Variants in PPP1R14C observed in about 807,000 individuals in gnomAD.
PPP1R14C encodes the protein protein phosphatase 1 regulatory subunit 14C.
In PPP1R14C, 16 loss-of-function variants were observed where a neutral mutation model predicts 20.4. The ratio of observed to expected loss-of-function variants is 0.78; its 90% CI spans 0.53 to 1.19. The LOEUF (loss-of-function observed/expected upper bound fraction) is 1.19, where lower values mean the gene tolerates loss of function less well. Among genes scored for constraint, PPP1R14C ranks in the 50% most tolerant of loss-of-function variants. The pLI, the probability that PPP1R14C is intolerant of heterozygous loss-of-function variation, is 0.00. For missense variants in PPP1R14C, 211 were observed against 220.1 expected (o/e 0.96, Z 0.26); for synonymous variants, 91 against 91.0 (o/e 1.00, Z 0.00).
In PPP1R14C at chr6:150,210,924, C is replaced by T. The variant is rs184357186; in HGVS notation, c.307-3820C>T. On this transcript the variant is annotated intron_variant, in intron 1 of 3. Transcript: ENST00000361131. ...CGACGTGCATATTTGCAGCCCAGAG[C>T]TGACTGGCTTCCTGGCCAAGGACCT... Among the ~76,000 whole-genome samples, 223 of 152,280 alleles carry T rather than the reference C, an allele frequency of 1.5e-3. 5 individuals carry two copies. The highest frequency in any genetic ancestry group is 0.014 in the Admixed American group (220 of 15,296).
intron 1 of PPP1R14C, among the ~76,000 whole-genome samples, chr6:150,183,124 G>A (rs1422838891): frequency 6.6e-6 from 1 of 151,262 alleles, no homozygotes; most frequent in East Asian, 1.9e-4. Flanking sequence ...ATATTCTGTT[G>A]TTTTTTTAAT....
At chr6:150,179,884 A>T (rs149126738) in intron 1 of PPP1R14C, among the ~76,000 whole-genome samples, 30 of 152,218 alleles carry the variant, frequency 2.0e-4, no homozygotes, top group African/African-American at 7.2e-4. Context: ...GGGGAAACAG[A>T]TAACAAAAGG....
intron 3 of PPP1R14C, among the ~76,000 whole-genome samples, chr6:150,219,495 C>T (rs1037554087): frequency 2.6e-5 from 4 of 151,964 alleles, no homozygotes; most frequent in Non-Finnish European, 4.4e-5. Context: ...GGATTACAGG[C>T]GTGAGTCACT....
At chr6:150,199,681 G>A (rs775789986) in intron 1 of PPP1R14C, among the ~76,000 whole-genome samples, 11 of 152,130 alleles carry the variant, frequency 7.2e-5, no homozygotes, top group Non-Finnish European at 1.5e-4. Flanking sequence ...ACCAATCTGG[G>A]CAATATAGTG....
chr6:150,171,352 A>G (rs962748575), intron 1 of PPP1R14C, among the ~76,000 whole-genome samples: 3 of 152,196 alleles, frequency 2.0e-5, no homozygotes, highest in Non-Finnish European at 4.4e-5. Flanking sequence ...CTAATATCTT[A>G]TAGTTGAGGG....
At chr6:150,178,346 C>T (rs1166077609) in intron 1 of PPP1R14C, among the ~76,000 whole-genome samples, 1 of 152,208 alleles carries the variant, frequency 6.6e-6, no homozygotes, top group African/African-American at 2.4e-5. Flanking sequence ...GTCACAGAGG[C>T]CCCTGGGGAC....
rs775656527 is a variant in PPP1R14C, at chr6:150,143,472, C to T, written c.280C>T (p.Gln94Ter). The change falls in exon 1 of 4, where the codon CAG (glutamine) becomes TAG (stop). Residue 94 changes from glutamine (Q) to a stop codon, truncating the protein, a stop_gained. Coordinates refer to ENST00000361131, the MANE Select transcript of PPP1R14C (RefSeq NM_030949.3). LOFTEE classifies it high-confidence loss of function. The surrounding 1 kb of genome is among the most constrained non-coding windows in gnomAD (Gnocchi z 5.6). ...GGTGCTGGAGGAATGGATCGTGGAG[C>T]AGCTGGGTCAGCTCTACGGCTGCGA... ...RLVLEEWIVEQLGQLYGCEEE... is the reference protein window; with the variant it reads ...RLVLEEWIVE 1.9e-6 allele frequency: 3 copies of T among 1,602,616 alleles called. No homozygotes were observed. The highest frequency in any genetic ancestry group is 2.6e-6 in the Non-Finnish European group (3 of 1,175,046).
At chr6:150,234,108 G>T (rs961749360) in intron 3 of PPP1R14C, among the ~76,000 whole-genome samples, 4 of 152,268 alleles carry the variant, frequency 2.6e-5, no homozygotes, top group Non-Finnish European at 5.9e-5. Flanking sequence ...AAACAATGTG[G>T]AACAAACCAA....
At chr6:150,220,182 A>G (rs1381261083) in intron 3 of PPP1R14C, among the ~76,000 whole-genome samples, 1 of 152,196 alleles carries the variant, frequency 6.6e-6, no homozygotes, top group Non-Finnish European at 1.5e-5. Flanking sequence ...GCTGGGTCTC[A>G]CTATGGAGTG....
chr6:150,195,041 C>G lies in PPP1R14C; in HGVS notation c.307-19703C>G, dbSNP rs914502109. 3 of 984,592 alleles carry G rather than the reference C, an allele frequency of 3.0e-6. No homozygotes were observed. In the African/African-American group the frequency reaches 5.2e-5, roughly 17 times the overall value. The allele number at this position is 984,592 out of a possible 1,614,324, so 61.0% of individuals were successfully genotyped here. A position where few individuals can be genotyped will look rare whatever the true frequency, so the allele number is the denominator to read the frequency against. On this transcript the variant is annotated intron_variant, in intron 1 of 3. Transcript: ENST00000361131. ...TACCTAGAGCAGTTACTAGTTATAG[C>G]CTTTTGAATATAACCTGTATGACCA...
chr6:150,202,695 G>A (rs1777893421), intron 1 of PPP1R14C, among the ~76,000 whole-genome samples: 1 of 152,176 alleles, frequency 6.6e-6, no homozygotes, highest in African/African-American at 2.4e-5. Context: ...GCCTCAGTTG[G>A]CTGAAGGTCA....
At chr6:150,152,585 C>G (rs1208685590) in intron 1 of PPP1R14C, among the ~76,000 whole-genome samples, 3 of 152,066 alleles carry the variant, frequency 2.0e-5, no homozygotes, top group Admixed American at 2.0e-4. Flanking sequence ...ACCTCCACCC[C>G]CTCCCCTGCC....
chr6:150,229,038 G>A (rs1490427101), intron 3 of PPP1R14C, among the ~76,000 whole-genome samples: 1 of 152,036 alleles, frequency 6.6e-6, no homozygotes, highest in East Asian at 1.9e-4. Context: ...TCATTAAACT[G>A]AGAATGGCCA....
rs1374609765 is a variant in PPP1R14C at position 150,143,488 on chromosome 6, A to G, written c.296A>G (p.Tyr99Cys). The change falls in exon 1 of 4, where the codon TAC becomes TGC. Residue 99 changes from tyrosine to cysteine, a missense_variant. Tyr to Cys is a radical substitution (Grantham distance 194, BLOSUM62 -2). Transcript: ENST00000361131. This position sits in a 1 kb window ranked among gnomAD's most constrained non-coding sequence, Gnocchi z 5.6. ...ATCGTGGAGCAGCTGGGTCAGCTCT[A>G]CGGCTGCGAGGTACCTGGGCGCGGG... ...EWIVEQLGQL[Y>C]GCEEEEMPEV... The G allele has an allele frequency of 2.7e-6, 4 of 1,491,854 alleles. No individual in the cohort carries two copies. Among genetic ancestry groups the G allele is most frequent in the Middle Eastern group, 1.8e-4 (1 of 5,608 alleles). The allele number at this position is 1,491,854 out of a possible 1,614,324, so 92.4% of individuals were successfully genotyped here.
chr6:150,202,973 A>G (rs1419470094), intron 1 of PPP1R14C, among the ~76,000 whole-genome samples: 6 of 152,176 alleles, frequency 3.9e-5, no homozygotes, highest in Non-Finnish European at 8.8e-5. Flanking sequence ...CCTTTTTCTT[A>G]ACATCTTGCA....
At chr6:150,182,311 AC>A (rs1416199667) in intron 1 of PPP1R14C, among the ~76,000 whole-genome samples, 2 of 152,206 alleles carry the variant, frequency 1.3e-5, no homozygotes, top group Admixed American at 1.3e-4. Context: ...ATAACAAAAT[AC>A]CATAGCCTGG....
chr6:150,228,681 C>T (rs1030033578), intron 3 of PPP1R14C, among the ~76,000 whole-genome samples: 12 of 152,068 alleles, frequency 7.9e-5, no homozygotes, highest in African/African-American at 1.7e-4. Context: ...ATCTTGGCAC[C>T]GTACCCCAAG....
At chr6:150,158,822 C>T (rs1777333459) in intron 1 of PPP1R14C, among the ~76,000 whole-genome samples, 2 of 152,112 alleles carry the variant, frequency 1.3e-5, no homozygotes, top group Non-Finnish European at 2.9e-5. Flanking sequence ...GTGTTTTTTC[C>T]ATCTTCTTTT....
chr6:150,248,676 CTTTAAGCAGATT>C, intron 3 of PPP1R14C, 58 bp from the exon 4 acceptor site: 1 of 1,083,508 alleles, frequency 9.2e-7, no homozygotes, highest in Admixed American at 1.7e-5. Flanking sequence ...ACATCAATTA[CTTTAAGCAGATT>C]TTTAAACACA....
Sources: gnomAD v4.1 joint callset for allele counts (sites outside exome capture counted in the v4.1 genomes callset) on GRCh38, gnomAD v4.1.1 for gene constraint, Gnocchi (gnomAD v3.1) non-coding constraint, MANE v1.5 for transcripts, NCBI Gene and HGNC (gene_info 2026-07-23, HGNC 2026-07-21) for gene names.